TRPS1: variants seen among roughly 807,000 people sequenced by gnomAD.
The protein encoded by TRPS1 is transcriptional repressor GATA binding 1, also known as zinc finger transcription factor Trps1.
TRPS1 carries 6 observed loss-of-function variants against 101.2 expected under a neutral mutation model. That is an observed-to-expected ratio of 0.06 (90% CI 0.03 to 0.12). TRPS1 has a LOEUF of 0.12. Ranked by LOEUF, TRPS1 falls within the 10% of genes least tolerant of loss-of-function variation. The pLI is 1.00. For missense variants in TRPS1, 1,363 were observed against 1,567.0 expected (o/e 0.87, Z 2.20); for synonymous variants, 578 against 589.8 (o/e 0.98, Z 0.29).
intron 5 of TRPS1, among the ~76,000 whole-genome samples, chr8:115,526,057 A>G (rs1815988819): frequency 6.6e-6 from 1 of 152,204 alleles, no homozygotes; most frequent in African/African-American, 2.4e-5. Flanking sequence ...ATCAAGATAA[A>G]TTAGGCTAAC....
intron 1 of TRPS1, among the ~76,000 whole-genome samples, chr8:115,634,803 C>A (rs1361031159): frequency 1.3e-5 from 2 of 149,734 alleles, no homozygotes; most frequent in African/African-American, 4.9e-5. Context: ...AAATGTGAGA[C>A]ATTATGACAG....
chr8:115,421,771 A>G (rs1018348385), intron 5 of TRPS1, among the ~76,000 whole-genome samples: 3 of 152,204 alleles, frequency 2.0e-5, no homozygotes, highest in African/African-American at 2.4e-5. Context: ...ACAGAACCAC[A>G]TCTTTCTAAA....
intron 5 of TRPS1, among the ~76,000 whole-genome samples, chr8:115,454,304 T>C: frequency 6.6e-6 from 1 of 152,242 alleles, no homozygotes; most frequent in East Asian, 1.9e-4. Flanking sequence ...TTTCTGGTAA[T>C]GTTTTGAATT....
intron 4 of TRPS1, among the ~76,000 whole-genome samples, chr8:115,594,949 TAGA>T (rs1817754630): frequency 6.6e-6 from 1 of 151,924 alleles, no homozygotes; most frequent in Non-Finnish European, 1.5e-5. Flanking sequence ...TCTTTTTTAC[TAGA>T]TAATAGCATG....
chr8:115,510,882 C>A (rs1327076697), intron 5 of TRPS1, among the ~76,000 whole-genome samples: 5 of 151,868 alleles, frequency 3.3e-5, no homozygotes, highest in Non-Finnish European at 7.4e-5. Flanking sequence ...TAGAAAGCTT[C>A]ATTCAACTGA....
At chr8:115,534,250 G>A (rs980359967) in intron 5 of TRPS1, among the ~76,000 whole-genome samples, 10 of 146,188 alleles carry the variant, frequency 6.8e-5, no homozygotes, top group African/African-American at 1.5e-4. Flanking sequence ...CTCTAACCCC[G>A]ATACCATCAC....
rs567546353 is a variant in TRPS1, at chr8:115,410,959, G to GCA, written c.*3063_*3064insTG. The GCA allele has an allele frequency of 2.6e-5, 4 of 151,236 alleles. No individual in the cohort carries two copies. The highest frequency in any genetic ancestry group is 5.9e-5 in the Non-Finnish European group (4 of 67,774). 9.4% of individuals were successfully genotyped at this position (151,236 alleles called of 1,614,324 possible). On this transcript the variant is annotated 3_prime_UTR_variant, in exon 7 of 7. Coordinates refer to ENST00000395715, the MANE Select transcript of TRPS1 (RefSeq NM_014112.5). ...TCACAATTTAAGATAAAATAATTCA[G>GCA]AAATCTTAAATTAAAAAAATAAATT...
chr8:115,452,320 A>T (rs1015816211), intron 5 of TRPS1, among the ~76,000 whole-genome samples: 2 of 152,214 alleles, frequency 1.3e-5, no homozygotes, highest in African/African-American at 4.8e-5. Context: ...CATCTGCACA[A>T]CATCAGACTC....
chr8:115,618,983 G>T, intron 3 of TRPS1, 149 bp downstream of exon 3: 1 of 750,620 alleles, frequency 1.3e-6, no homozygotes, highest in Non-Finnish European at 2.2e-6. Flanking sequence ...ATACTTGTAT[G>T]AAGTAGCTAT....
intron 5 of TRPS1, among the ~76,000 whole-genome samples, chr8:115,491,051 G>T (rs2130102422): frequency 6.6e-6 from 1 of 152,288 alleles, no homozygotes; most frequent in South Asian, 2.1e-4. Context: ...TACTCAGGAT[G>T]TCAGTTTATG....
chr8:115,435,796 G>A (rs1277772090), intron 5 of TRPS1, among the ~76,000 whole-genome samples: 1 of 152,126 alleles, frequency 6.6e-6, no homozygotes, highest in East Asian at 1.9e-4. Context: ...GTTCTGGTAT[G>A]TTTATTTATA....
Position 115,619,496 on chromosome 8 carries a change from T to G in TRPS1, c.602A>C (p.Gln201Pro), listed in dbSNP as rs1338582823. The change falls in exon 3 of 7, where the codon CAA (glutamine) becomes CCA (proline). Residue 201 changes from glutamine to proline, a missense_variant. By Grantham distance (76) the Gln-to-Pro change is moderately conservative. This residue lies in a region of TRPS1 where 1,020 missense variants were observed against 1,073.0 expected (regional missense o/e 0.95). Transcript: ENST00000395715. ...TCTTACACCCCCATCTGAAGGCACT[T>G]GTGGGTTTTTTGAGGCCACTGAAAC... Reference protein sequence around the residue: ...SPVSVASKNPQVPSDGGVRLN... With the variant: ...SPVSVASKNPPVPSDGGVRLN... 1 of 1,614,200 alleles carries G rather than the reference T, an allele frequency of 6.2e-7. No homozygotes were observed. The highest frequency in any genetic ancestry group is 2.2e-5 in the East Asian group (1 of 44,874).
chr8:115,474,386 T>A (rs983358668), intron 5 of TRPS1, among the ~76,000 whole-genome samples: 1 of 152,058 alleles, frequency 6.6e-6, no homozygotes, highest in Non-Finnish European at 1.5e-5. Context: ...CTGGGATGGA[T>A]GGATGGATGG....
intron 5 of TRPS1, among the ~76,000 whole-genome samples, chr8:115,542,297 T>C (rs896229650): frequency 6.6e-6 from 1 of 152,206 alleles, no homozygotes; most frequent in African/African-American, 2.4e-5. Context: ...ATCATTACTT[T>C]TACTGTTTAC....
chr8:115,541,827 T>C (rs1816460384), intron 5 of TRPS1, among the ~76,000 whole-genome samples: 1 of 152,200 alleles, frequency 6.6e-6, no homozygotes, highest in Non-Finnish European at 1.5e-5. Flanking sequence ...AATATTTAAG[T>C]GAAATGTCAG....
At chr8:115,614,409 A>C (rs1396395051) in intron 3 of TRPS1, among the ~76,000 whole-genome samples, 1 of 152,228 alleles carries the variant, frequency 6.6e-6, no homozygotes, top group South Asian at 2.1e-4. Context: ...CAAGGCCAAA[A>C]AAGATTTAAC....
At chr8:115,668,450 G>A (rs1811984923) in intron 1 of TRPS1, 95 bp downstream of exon 1, 1 of 141,362 alleles carries the variant, frequency 7.1e-6, no homozygotes, top group Non-Finnish European at 1.5e-5. Context: ...CTGCACTCGC[G>A]TCGCGGCGCC....
chr8:115,520,262 C>T (rs1202904949), intron 5 of TRPS1, among the ~76,000 whole-genome samples: 2 of 151,776 alleles, frequency 1.3e-5, no homozygotes, highest in East Asian at 1.9e-4. Context: ...CATACCCATA[C>T]ATTTTGTGCC....
At chr8:115,634,908 G>C (rs769971859) in intron 1 of TRPS1, among the ~76,000 whole-genome samples, 2 of 151,784 alleles carry the variant, frequency 1.3e-5, no homozygotes, top group Non-Finnish European at 1.5e-5. Context: ...AAGACAGGTT[G>C]TTGTAGGTCC....
Sources: gnomAD v4.1 joint callset for allele counts (sites outside exome capture counted in the v4.1 genomes callset) on GRCh38, gnomAD v4.1.1 for gene constraint, gnomAD v4.1.1 regional missense constraint, MANE v1.5 for transcripts, NCBI Gene and HGNC (gene_info 2026-07-23, HGNC 2026-07-21) for gene names.